The following KCNH7 variants were observed in gnomAD, a reference collection of about 807,000 sequenced individuals.
KCNH7 encodes the protein potassium voltage-gated channel subfamily H member 7, also known as voltage-gated inwardly rectifying potassium channel KCNH7.
KCNH7 carries 49 observed loss-of-function variants against 120.8 expected under a neutral mutation model. The ratio of observed to expected loss-of-function variants is 0.41; its 90% CI spans 0.32 to 0.51. The LOEUF (loss-of-function observed/expected upper bound fraction) is 0.51. Ranked by LOEUF, KCNH7 falls within the 20% of genes least tolerant of loss-of-function variation. The pLI, the probability that KCNH7 is intolerant of heterozygous loss-of-function variation, is 0.38. For synonymous variants in KCNH7, 547 were observed against 516.1 expected (o/e 1.06, Z -0.81); for missense variants, 1,097 against 1,446.6 (o/e 0.76, Z 3.92).
intron 2 of KCNH7, among the ~76,000 whole-genome samples, chr2:162,819,810 T>C (rs950738563): frequency 6.6e-6 from 1 of 152,178 alleles, no homozygotes; most frequent in Non-Finnish European, 1.5e-5. Flanking sequence ...TCTAATAATA[T>C]TCACAAAGGC....
intron 2 of KCNH7, among the ~76,000 whole-genome samples, chr2:162,739,284 A>G (rs1688030371): frequency 6.6e-6 from 1 of 152,124 alleles, no homozygotes; most frequent in Non-Finnish European, 1.5e-5. Flanking sequence ...CATGCTTCAA[A>G]TTCCTGCTAA....
chr2:162,424,810 G>A (rs906435349), intron 8 of KCNH7, among the ~76,000 whole-genome samples: 2 of 152,158 alleles, frequency 1.3e-5, no homozygotes, highest in African/African-American at 4.8e-5. Flanking sequence ...GAAAGTCCCA[G>A]GGAAAGCAGT....
chr2:162,554,849 T>A (rs141213102), intron 2 of KCNH7, among the ~76,000 whole-genome samples: 101 of 152,324 alleles, frequency 6.6e-4, no homozygotes, highest in Non-Finnish European at 9.1e-4. Context: ...AGGTAACGTA[T>A]TCACAGGTTC....
At chr2:162,484,246 C>G (rs979096007) in intron 6 of KCNH7, among the ~76,000 whole-genome samples, 1 of 150,500 alleles carries the variant, frequency 6.6e-6, no homozygotes, top group East Asian at 2.0e-4. Flanking sequence ...CACACACACA[C>G]ACAGAGAGAC....
At chr2:162,686,427 T>C (rs1032407720) in intron 2 of KCNH7, among the ~76,000 whole-genome samples, 1 of 152,132 alleles carries the variant, frequency 6.6e-6, no homozygotes, top group Admixed American at 6.6e-5. Context: ...GACTAGCCAG[T>C]GCAAACCATA....
chr2:162,403,927 T>G (rs189548502), intron 9 of KCNH7, among the ~76,000 whole-genome samples: 1 of 151,988 alleles, frequency 6.6e-6, no homozygotes, highest in Non-Finnish European at 1.5e-5. Flanking sequence ...GAAAAAAGTC[T>G]GAAATAAGAG....
chr2:162,746,003 A>C (rs1254316792), intron 2 of KCNH7, among the ~76,000 whole-genome samples: 2 of 152,068 alleles, frequency 1.3e-5, no homozygotes. Context: ...TATTATTTTT[A>C]CATATGAAGA....
At chr2:162,820,209 TTGTGTGTGTG>T (rs71410049) in intron 2 of KCNH7, among the ~76,000 whole-genome samples, 73 of 99,734 alleles carry the variant, frequency 7.3e-4, no homozygotes, top group Middle Eastern at 0.013. Flanking sequence ...CCGGCTAATT[TTGTGTGTGTG>T]TGTGTGTGTG....
rs565173595 is a variant in KCNH7 at position 162,421,758 on chromosome 2, G to C, written c.2154+1578C>G. ...AGGTAATAGAGTCAAACAATGAAAG[G>C]TAAATAGTTGTCACAAAATAGACTT... On this transcript the variant is annotated intron_variant, in intron 9 of 15. Transcript: ENST00000332142. 7.2e-5 allele frequency among the ~76,000 whole-genome samples: 11 copies of C among 152,232 alleles called. No individual in the cohort carries two copies. In the South Asian group the frequency reaches 2.1e-3, roughly 29 times the overall value.
At chr2:162,666,614 G>A (rs536023889) in intron 2 of KCNH7, among the ~76,000 whole-genome samples, 3 of 152,184 alleles carry the variant, frequency 2.0e-5, no homozygotes, top group Admixed American at 2.0e-4. Flanking sequence ...TACAATAAGT[G>A]TTTTATTTGT....
chr2:162,468,761 A>T (rs1330609364), intron 6 of KCNH7, among the ~76,000 whole-genome samples: 10 of 151,696 alleles, frequency 6.6e-5, no homozygotes, highest in South Asian at 2.1e-4. Context: ...ACCTCCCAGG[A>T]TGGTCTCGAT....
chr2:162,801,113 T>A (rs1260821149), intron 2 of KCNH7, among the ~76,000 whole-genome samples: 1 of 151,782 alleles, frequency 6.6e-6, no homozygotes, highest in Non-Finnish European at 1.5e-5. Flanking sequence ...GAAAAAATTA[T>A]TTGATGTATT....
intron 2 of KCNH7, among the ~76,000 whole-genome samples, chr2:162,738,067 C>CAAAAAAA (rs58433565): frequency 1.8e-5 from 1 of 56,024 alleles, no homozygotes; most frequent in African/African-American, 5.3e-5. Flanking sequence ...GACTTCATAT[C>CAAAAAAA]AAAAAAAAAA....
intron 6 of KCNH7, among the ~76,000 whole-genome samples, chr2:162,450,919 T>C (rs1199315870): frequency 6.6e-6 from 1 of 151,988 alleles, no homozygotes; most frequent in Non-Finnish European, 1.5e-5. Context: ...GGGATATATT[T>C]GAGAATAGAT....
At chr2:162,446,587 C>T (rs928965801) in intron 6 of KCNH7, 144 bp from the exon 7 acceptor site, 32 of 618,820 alleles carry the variant, frequency 5.2e-5, no homozygotes, top group Non-Finnish European at 7.7e-5. Flanking sequence ...GAAACACACA[C>T]ATACATTACA....
chr2:162,809,909 C>CTTTTTTT (rs748538332), intron 2 of KCNH7, among the ~76,000 whole-genome samples: 35 of 51,224 alleles, frequency 6.8e-4, no homozygotes, highest in African/African-American at 1.1e-3. Context: ...CTCACCTATT[C>CTTTTTTT]TTTTTTTTTT....
intron 2 of KCNH7, among the ~76,000 whole-genome samples, chr2:162,608,303 C>T (rs1199499206): frequency 6.6e-6 from 1 of 152,112 alleles, no homozygotes; most frequent in African/African-American, 2.4e-5. Flanking sequence ...GTACTTTTAA[C>T]TCCAAACAAA....
chr2:162,437,250 G>C (rs1263574408), intron 7 of KCNH7, among the ~76,000 whole-genome samples: 1 of 152,108 alleles, frequency 6.6e-6, no homozygotes, highest in Non-Finnish European at 1.5e-5. Context: ...CTTTAAAGTT[G>C]AGAGGAACTT....
Position 162,541,726 on chromosome 2 carries a change from T to G in KCNH7, c.308-4646A>C, listed in dbSNP as rs541559888. On this transcript the variant is annotated intron_variant, in intron 2 of 15. Transcript: ENST00000332142. ...CGGGGAAAGGGAACATCAGGCAGAA[T>G]AGCTAATGAATGCTGGGATTAATAC... Among the ~76,000 whole-genome samples, 5 of 152,166 alleles carry G rather than the reference T, an allele frequency of 3.3e-5. No individual in the cohort carries two copies. In the South Asian group the frequency reaches 1.0e-3, roughly 32 times the overall value.
Sources: allele counts gnomAD v4.1 joint callset (sites outside exome capture counted in the v4.1 genomes callset), GRCh38; gene constraint gnomAD v4.1.1; transcripts MANE v1.5; gene names NCBI Gene and HGNC (gene_info 2026-07-23, HGNC 2026-07-21).